Variants in CHN2 observed in about 807,000 individuals in gnomAD.
CHN2 encodes beta-chimaerin.
In CHN2, 35 loss-of-function variants were observed where a neutral mutation model predicts 56.3. The observed-to-expected ratio is 0.62, with a 90% confidence interval of 0.47 to 0.82. The LOEUF (loss-of-function observed/expected upper bound fraction) is 0.82. Among genes scored for constraint, CHN2 ranks in the 40% least tolerant of loss-of-function variants. The probability of loss-of-function intolerance (pLI) is 0.00; values close to 1 mark genes in which losing one functional copy is unlikely to be tolerated. For missense variants in CHN2, 491 were observed against 580.5 expected (o/e 0.85, Z 1.58); for synonymous variants, 210 against 212.8 (o/e 0.99, Z 0.12).
chr7:29,436,978 G>T (rs979968970), intron 6 of CHN2, among the ~76,000 whole-genome samples: 4 of 150,722 alleles, frequency 2.7e-5, no homozygotes, highest in Non-Finnish European at 5.9e-5. Flanking sequence ...TTTACTCTTT[G>T]ATCTTACTGT....
chr7:29,390,268 G>A (rs1044079069), intron 3 of CHN2, among the ~76,000 whole-genome samples: 2 of 152,018 alleles, frequency 1.3e-5, no homozygotes, highest in Non-Finnish European at 2.9e-5. Context: ...CGTGTAACAC[G>A]ACTACATATT....
At chr7:29,265,368 C>T (rs191324194) in intron 1 of CHN2, among the ~76,000 whole-genome samples, 650 of 152,328 alleles carry the variant, frequency 4.3e-3, no homozygotes, top group Non-Finnish European at 6.8e-3. Context: ...AACTTCCACT[C>T]GCTCTGCTAG....
chr7:29,444,455 A>G (rs1010193994), intron 6 of CHN2, among the ~76,000 whole-genome samples: 3 of 152,118 alleles, frequency 2.0e-5, no homozygotes, highest in Non-Finnish European at 4.4e-5. Flanking sequence ...TCACTCACCT[A>G]CTTGGCACCT....
At chr7:29,367,849 G>A in intron 2 of CHN2, 83 bp from the exon 3 acceptor site, 2 of 1,140,228 alleles carry the variant, frequency 1.8e-6, no homozygotes, top group Non-Finnish European at 2.4e-6. Flanking sequence ...GTACTTAGGT[G>A]GAAATATTTG....
chr7:29,302,804 C>T (rs1793801238), intron 1 of CHN2, among the ~76,000 whole-genome samples: 1 of 152,162 alleles, frequency 6.6e-6, no homozygotes. Flanking sequence ...ATTCTACTTT[C>T]TGTATTTGAA....
At chr7:29,481,472 T>C (rs1256138036) in intron 7 of CHN2, among the ~76,000 whole-genome samples, 2 of 152,196 alleles carry the variant, frequency 1.3e-5, no homozygotes, top group East Asian at 1.9e-4. Flanking sequence ...CATCTGTTTT[T>C]AGAAAGCCAG....
chr7:29,352,261 C>T (rs1052416013), intron 1 of CHN2, among the ~76,000 whole-genome samples: 1 of 152,020 alleles, frequency 6.6e-6, no homozygotes, highest in East Asian at 1.9e-4. Flanking sequence ...GTTGTGCTTG[C>T]GTCATAGAGT....
intron 2 of CHN2, among the ~76,000 whole-genome samples, chr7:29,171,080 G>A (rs762116166): frequency 1.3e-5 from 2 of 152,076 alleles, no homozygotes; most frequent in African/African-American, 4.8e-5. Flanking sequence ...ATTAAAAAAC[G>A]ACTTTATGAG....
Position 29,204,067 on chromosome 7 carries a change from C to CTGTG in CHN2, c.49+9123_49+9126dup, listed in dbSNP as rs55930139. Reference sequence around the variant, plus strand: ...ACAAAGCACACGTTTTTCTCTCTCTCTGTGTGTGTGTGTGTGTGTGTGTGT... The same window carrying CTGTG: ...ACAAAGCACACGTTTTTCTCTCTCTCTGTGTGTGTGTGTGTGTGTGTGTGTGTGT... On this transcript the variant is annotated intron_variant, in intron 1 of 12. Coordinates refer to ENST00000222792, the MANE Select transcript of CHN2 (RefSeq NM_004067.4). Among the ~76,000 whole-genome samples, 634 of 128,832 alleles carry CTGTG rather than the reference C, an allele frequency of 4.9e-3. 5 individuals carry two copies. The highest frequency in any genetic ancestry group is 7.4e-3 in the Non-Finnish European group (448 of 60,724). 84.5% of individuals were successfully genotyped at this position (128,832 alleles called of 152,430 possible). A position where few individuals can be genotyped will look rare whatever the true frequency, so the allele number is the denominator to read the frequency against.
At chr7:29,480,546 T>C (rs1201712077) in intron 7 of CHN2, among the ~76,000 whole-genome samples, 190 bp downstream of exon 7, 1 of 152,248 alleles carries the variant, frequency 6.6e-6, no homozygotes, top group Admixed American at 6.5e-5. Flanking sequence ...AGCAGTCTGC[T>C]CAGTGCTTAT....
chr7:29,451,061 A>G (rs1784370398), intron 6 of CHN2, among the ~76,000 whole-genome samples: 1 of 152,054 alleles, frequency 6.6e-6, no homozygotes, highest in Non-Finnish European at 1.5e-5. Context: ...GAGCCATCAC[A>G]CCCGGCCTCA....
upstream of CHN2, among the ~76,000 whole-genome samples, chr7:29,190,365 T>C (rs138587395): frequency 2.6e-5 from 4 of 152,174 alleles, no homozygotes; most frequent in Non-Finnish European, 5.9e-5. Flanking sequence ...AATACAGTAT[T>C]TCATTCTGTG....
At chr7:29,327,337 G>C (rs535844153) in intron 1 of CHN2, among the ~76,000 whole-genome samples, 2 of 152,284 alleles carry the variant, frequency 1.3e-5, no homozygotes, top group South Asian at 2.1e-4. Flanking sequence ...AGGCTCAGGA[G>C]TTTGTGTTTT....
At chr7:29,340,558 C>G (rs57883172) in intron 1 of CHN2, among the ~76,000 whole-genome samples, 244 of 152,346 alleles carry the variant, frequency 1.6e-3, no homozygotes, top group African/African-American at 5.5e-3. Context: ...GCAGGTTTAA[C>G]TGTCCTCCAG....
At chr7:29,491,948 G>T (rs1788710323) in intron 7 of CHN2, among the ~76,000 whole-genome samples, 1 of 152,062 alleles carries the variant, frequency 6.6e-6, no homozygotes, top group African/African-American at 2.4e-5. Flanking sequence ...GGCATGATTA[G>T]ATTGACCCAC....
intron 1 of CHN2, among the ~76,000 whole-genome samples, chr7:29,330,997 G>A (rs1404850581): frequency 1.3e-5 from 2 of 152,168 alleles, no homozygotes; most frequent in Non-Finnish European, 1.5e-5. Context: ...TTCTCCCTAC[G>A]CTGCCATGTG....
intron 1 of CHN2, among the ~76,000 whole-genome samples, chr7:29,293,271 C>G (rs559506102): frequency 6.6e-6 from 1 of 151,988 alleles, no homozygotes; most frequent in Admixed American, 6.6e-5. Flanking sequence ...GGCCCCTTCT[C>G]CCTCCTGCAT....
rs1432070612 is a variant in CHN2, at chr7:29,499,485, C to T, written c.740-382C>T. On this transcript the variant is annotated intron_variant, in intron 8 of 12. Transcript: ENST00000222792. Reference sequence around the variant, plus strand: ...AGAGCTTAAAGGAAAGAGTCTGGAACAAACCCTAGGTGCCCTTTATAAGCC... The same window carrying T: ...AGAGCTTAAAGGAAAGAGTCTGGAATAAACCCTAGGTGCCCTTTATAAGCC... Among the ~76,000 whole-genome samples, 15 of 152,278 alleles carry T rather than the reference C, an allele frequency of 9.9e-5. No individual in the cohort carries two copies. In the East Asian group the frequency reaches 1.5e-3, roughly 16 times the overall value.
chr7:29,319,776 T>G (rs192917747), intron 1 of CHN2, among the ~76,000 whole-genome samples: 30 of 152,274 alleles, frequency 2.0e-4, no homozygotes, highest in Non-Finnish European at 3.5e-4. Context: ...TGGGATTTTC[T>G]TACAGGGCCG....
Sources: allele counts gnomAD v4.1 joint callset (sites outside exome capture counted in the v4.1 genomes callset), GRCh38; gene constraint gnomAD v4.1.1; transcripts MANE v1.5; gene names NCBI Gene and HGNC (gene_info 2026-07-23, HGNC 2026-07-21).